Variants in LIN7C observed in about 807,000 individuals in gnomAD.
The protein encoded by LIN7C is lin-7 cell polarity scaffold C, also known as protein lin-7 homolog C.
Under a neutral mutation model 24.7 loss-of-function variants are expected in LIN7C, and 17 were observed. The ratio of observed to expected loss-of-function variants is 0.69; its 90% CI spans 0.47 to 1.03. The LOEUF is 1.03. Among genes scored for constraint, LIN7C ranks in the 50% least tolerant of loss-of-function variants. The pLI, the probability that LIN7C is intolerant of heterozygous loss-of-function variation, is 0.00. For synonymous variants in LIN7C, 90 were observed against 83.4 expected, an observed-to-expected ratio of 1.08 and a Z score of -0.43; for missense variants, 204 against 239.0, an observed-to-expected ratio of 0.85 and a Z score of 0.97.
chr11:27,499,606 AT>A, intron 3 of LIN7C, 38 bp from the exon 4 acceptor site: 1 of 1,553,952 alleles, frequency 6.4e-7, no homozygotes, highest in Non-Finnish European at 8.9e-7. Flanking sequence ...TATGACTTTT[AT>A]TTACTTCAGT....
At chr11:27,499,308 C>T in intron 4 of LIN7C, 51 bp downstream of exon 4, 1 of 1,484,936 alleles carries the variant, frequency 6.7e-7, no homozygotes, top group Non-Finnish European at 9.4e-7. Context: ...CAAATACGCC[C>T]CCAGGTGGTC....
chr11:27,506,756 C>G lies in LIN7C; in HGVS notation c.-4G>C. ...CGGGTTCCCCTAGCGCCGCCATCTT[C>G]TCCCTTAACCTACAGACCCACAGGA... On this transcript the variant is annotated 5_prime_UTR_variant, in exon 1 of 5. Coordinates refer to ENST00000278193, the MANE Select transcript of LIN7C (RefSeq NM_018362.4). 6.2e-7 allele frequency: 1 copy of G among 1,614,154 alleles called. No homozygotes were observed. The highest frequency in any genetic ancestry group is 8.5e-7 in the Non-Finnish European group (1 of 1,180,020).
chr11:27,499,435 C>T lies in LIN7C; in HGVS notation c.362G>A (p.Arg121Gln). The T allele has an allele frequency of 6.2e-7, 1 of 1,614,082 alleles. No individual in the cohort carries two copies. The highest frequency in any genetic ancestry group is 8.5e-7 in the Non-Finnish European group (1 of 1,180,010). ...ATCAGCAATTCCACCTGGAATTATT[C>T]GGGATATATAGATTGGAGAGTTTTG... Reference protein sequence around the residue: ...KEQNSPIYISRIIPGGIADRH... With the variant: ...KEQNSPIYISQIIPGGIADRH... Residue 121 changes from arginine (R) to glutamine (Q), a missense_variant, in exon 4 of 5, where the codon CGA becomes CAA. By Grantham distance (43) the Arg-to-Gln change is conservative. Coordinates refer to ENST00000278193, the MANE Select transcript of LIN7C (RefSeq NM_018362.4).
chr11:27,501,634 G>GCGAAGTTAAAATTTCAGT, intron 2 of LIN7C, 68 bp from the exon 3 acceptor site: 4 of 1,086,364 alleles, frequency 3.7e-6, no homozygotes, highest in Non-Finnish European at 5.5e-6. Context: ...AAAATTTCAG[G>GCGAAGTTAAAATTTCAGT]CAAAGTTATG....
intron 1 of LIN7C, among the ~76,000 whole-genome samples, chr11:27,504,710 C>T (rs930204843): frequency 6.6e-6 from 1 of 152,126 alleles, no homozygotes; most frequent in Non-Finnish European, 1.5e-5. Flanking sequence ...CTATGCATAT[C>T]CCCCCTCTAT....
intron 1 of LIN7C, among the ~76,000 whole-genome samples, chr11:27,503,688 A>G (rs1045603210): frequency 1.3e-5 from 2 of 152,042 alleles, no homozygotes; most frequent in East Asian, 3.9e-4. Context: ...TAATTTTTGT[A>G]TTTTTAGTAG....
rs1278828737 is a variant in LIN7C, at chr11:27,498,464, G to GA, written c.*184dup. 6 of 553,274 alleles carry GA rather than the reference G, an allele frequency of 1.1e-5. No individual in the cohort carries two copies. Among genetic ancestry groups the GA allele is most frequent in the East Asian group, 3.1e-5 (1 of 31,828 alleles). 34.3% of individuals were successfully genotyped at this position (553,274 alleles called of 1,614,324 possible). A position where few individuals can be genotyped will look rare whatever the true frequency, so the allele number is the denominator to read the frequency against. Reference sequence around the variant, plus strand: ...CATCACCTTTTACTTTTTCTTGTCAGAAAAAAGTGTATGCATCTCTGGAAC... The same window carrying GA: ...CATCACCTTTTACTTTTTCTTGTCAGAAAAAAAGTGTATGCATCTCTGGAAC... On this transcript the variant is annotated 3_prime_UTR_variant, in exon 5 of 5. Transcript: ENST00000278193.
In LIN7C at chr11:27,506,743, GC is replaced by G; in HGVS notation, c.9del (p.Leu4Ter). The G allele has an allele frequency of 6.2e-7, 1 of 1,614,098 alleles. No individual in the cohort carries two copies. On this transcript the variant is annotated frameshift_variant, in exon 1 of 5. Transcript: ENST00000278193. LOFTEE classifies it high-confidence loss of function. ...CTCTCCAGCCGCACGGGTTCCCCTAGCGCCGCCATCTTCTCCCTTAACCTAC... is the reference window on the plus strand; with the variant it reads ...CTCTCCAGCCGCACGGGTTCCCCTAGGCCGCCATCTTCTCCCTTAACCTAC... MA[A>X]LGEPVRLERD...
rs548809688 is a variant in LIN7C, at chr11:27,502,967, T to C, written c.38-1047A>G. ...ACTCTACTAAAAAAAATACAAAAAT[T>C]AGCCAGGCATGGTGGCGGGTGCCTG... On this transcript the variant is annotated intron_variant, in intron 1 of 4. Coordinates refer to ENST00000278193, the MANE Select transcript of LIN7C (RefSeq NM_018362.4). 7.9e-5 allele frequency among the ~76,000 whole-genome samples: 12 copies of C among 152,104 alleles called. No homozygotes were observed. In the East Asian group the frequency reaches 2.3e-3, roughly 29 times the overall value.
chr11:27,499,291 T>C, intron 4 of LIN7C, 68 bp downstream of exon 4: 1 of 1,312,660 alleles, frequency 7.6e-7, no homozygotes, highest in Non-Finnish European at 1.1e-6. Context: ...AGGTTTCTCC[T>C]ATTACTCAAA....
At position 27,501,469 on chromosome 11, in the gene LIN7C, T is replaced by C. The variant is rs908005260; in HGVS notation, c.228+26A>G. 4 of 1,425,100 alleles carry C rather than the reference T, an allele frequency of 2.8e-6. No individual in the cohort carries two copies. In the Admixed American group the frequency reaches 8.1e-5, roughly 29 times the overall value. The allele number at this position is 1,425,100 out of a possible 1,614,324, so 88.3% of individuals were successfully genotyped here. A position where few individuals can be genotyped will look rare whatever the true frequency, so the allele number is the denominator to read the frequency against. On this transcript the variant is annotated intron_variant, in intron 3 of 4. Coordinates refer to ENST00000278193, the MANE Select transcript of LIN7C (RefSeq NM_018362.4). ...AAACTTCTAATTTATGAAGAATTCT[T>C]ACTTTTGGAAAACAAAAAAATTTAC...
At chr11:27,500,138 A>T (rs1865209352) in intron 3 of LIN7C, among the ~76,000 whole-genome samples, 2 of 152,218 alleles carry the variant, frequency 1.3e-5, no homozygotes, top group East Asian at 3.9e-4. Flanking sequence ...TCTTTTGTGC[A>T]GTCCTGTATG....
intron 1 of LIN7C, among the ~76,000 whole-genome samples, chr11:27,504,688 T>C (rs1037121048): frequency 6.6e-6 from 1 of 152,222 alleles, no homozygotes; most frequent in African/African-American, 2.4e-5. Flanking sequence ...TGATATAGTA[T>C]TGGCATAAAA....
At chr11:27,499,919 G>A (rs573693732) in intron 3 of LIN7C, among the ~76,000 whole-genome samples, 3 of 152,314 alleles carry the variant, frequency 2.0e-5, no homozygotes, top group South Asian at 4.1e-4. Context: ...GAGCCACTGC[G>A]CCTGGCCTCT....
intron 1 of LIN7C, among the ~76,000 whole-genome samples, chr11:27,506,374 G>GT (rs1376343950): frequency 6.6e-6 from 1 of 152,200 alleles, no homozygotes; most frequent in African/African-American, 2.4e-5. Context: ...AACCGGGTGT[G>GT]TGACGTTTGC....
Position 27,506,620 on chromosome 11 carries a change from CG to C in LIN7C, c.37+95del, listed in dbSNP as rs1865305040. On this transcript the variant is annotated intron_variant, in intron 1 of 4. Transcript: ENST00000278193. Reference sequence around the variant, plus strand: ...CGCCGGCACAAGGGACAGCGTGGCCCGGATCTCAGAGCCTGGGTCACTCCTC... The same window carrying C: ...CGCCGGCACAAGGGACAGCGTGGCCCGATCTCAGAGCCTGGGTCACTCCTC... 17 of 1,415,220 alleles carry C rather than the reference CG, an allele frequency of 1.2e-5. No homozygotes were observed. In the South Asian group the frequency reaches 2.0e-4, roughly 16 times the overall value. 87.7% of individuals were successfully genotyped at this position (1,415,220 alleles called of 1,614,324 possible). A position where few individuals can be genotyped will look rare whatever the true frequency, so the allele number is the denominator to read the frequency against.
rs991167760 is a variant in LIN7C, at chr11:27,495,711, C to A, written c.*2938G>T. 37 of 146,460 alleles carry A rather than the reference C, an allele frequency of 2.5e-4. No individual in the cohort carries two copies. Among genetic ancestry groups the A allele is most frequent in the African/African-American group, 8.1e-4 (32 of 39,476 alleles). 9.1% of individuals were successfully genotyped at this position (146,460 alleles called of 1,614,324 possible). A position where few individuals can be genotyped will look rare whatever the true frequency, so the allele number is the denominator to read the frequency against. Reference sequence around the variant, plus strand: ...AGAATGATGACAGACATAAAAAGCTCACATTTAAATTACTGGTAGATTTTA... The same window carrying A: ...AGAATGATGACAGACATAAAAAGCTAACATTTAAATTACTGGTAGATTTTA... On this transcript the variant is annotated 3_prime_UTR_variant, in exon 5 of 5. Transcript: ENST00000278193.
In LIN7C at chr11:27,494,762, AAAATT is replaced by A. The variant is rs1418533373; in HGVS notation, c.*3882_*3886del. ...ATACAAATTAGTCTCAAAGTTCTTG[AAAATT>A]AATAAGTGATTTTTCTCACTACTTA... On this transcript the variant is annotated 3_prime_UTR_variant, in exon 5 of 5. Transcript: ENST00000278193. 1 of 152,246 alleles carries A rather than the reference AAAATT, an allele frequency of 6.6e-6. No homozygotes were observed. Among genetic ancestry groups the A allele is most frequent in the Non-Finnish European group, 1.5e-5 (1 of 68,042 alleles). The allele number at this position is 152,246 out of a possible 1,614,324, so 9.4% of individuals were successfully genotyped here. A position where few individuals can be genotyped will look rare whatever the true frequency, so the allele number is the denominator to read the frequency against.
In LIN7C at chr11:27,497,087, C is replaced by G. The variant is rs1865178749; in HGVS notation, c.*1562G>C. 1 of 152,516 alleles carries G rather than the reference C, an allele frequency of 6.6e-6. No homozygotes were observed. Among genetic ancestry groups the G allele is most frequent in the Non-Finnish European group, 1.5e-5 (1 of 67,972 alleles). 9.4% of individuals were successfully genotyped at this position (152,516 alleles called of 1,614,324 possible). A position where few individuals can be genotyped will look rare whatever the true frequency, so the allele number is the denominator to read the frequency against. On this transcript the variant is annotated 3_prime_UTR_variant, in exon 5 of 5. Transcript: ENST00000278193. Reference sequence around the variant, plus strand: ...CACATTTTGTAGTGGATTAAAGACACATTCAACCATGCAATCCAGTGTTCA... The same window carrying G: ...CACATTTTGTAGTGGATTAAAGACAGATTCAACCATGCAATCCAGTGTTCA...
Sources: allele counts gnomAD v4.1 joint callset (sites outside exome capture counted in the v4.1 genomes callset), GRCh38; gene constraint gnomAD v4.1.1; transcripts MANE v1.5; gene names NCBI Gene and HGNC (gene_info 2026-07-23, HGNC 2026-07-21).